ASAP1: variants seen among roughly 807,000 people sequenced by gnomAD.
The protein encoded by ASAP1 is arf-GAP with SH3 domain, ANK repeat and PH domain-containing protein 1.
A neutral mutation model predicts 145.2 loss-of-function variants in ASAP1; 43 were observed. The observed-to-expected ratio is 0.30, with a 90% CI of 0.23 to 0.38. The LOEUF (loss-of-function observed/expected upper bound fraction) is 0.38. ASAP1 is among the 10% of genes least tolerant of loss of function. ASAP1 has a pLI of 1.00. For synonymous variants in ASAP1, 546 were observed against 515.5 expected, an observed-to-expected ratio of 1.06 and a Z score of -0.80; for missense variants, 1,018 against 1,355.3, an observed-to-expected ratio of 0.75 and a Z score of 3.91.
At chr8:130,428,138 T>C (rs991369052) in intron 1 of ASAP1, among the ~76,000 whole-genome samples, 3 of 152,086 alleles carry the variant, frequency 2.0e-5, no homozygotes, top group Non-Finnish European at 4.4e-5. Flanking sequence ...CACACAGTCA[T>C]GCAGTGAATC....
intron 7 of ASAP1, among the ~76,000 whole-genome samples, chr8:130,184,868 G>A (rs544115677): frequency 8.1e-4 from 123 of 152,232 alleles, no homozygotes; most frequent in African/African-American, 2.8e-3. Flanking sequence ...CAAAAACCCT[G>A]AGAAGTAGGT....
At chr8:130,338,822 G>C (rs553200675) in intron 3 of ASAP1, among the ~76,000 whole-genome samples, 1 of 152,330 alleles carries the variant, frequency 6.6e-6, no homozygotes, top group East Asian at 1.9e-4. Context: ...TGGCTGCCTT[G>C]TTGCTTCAGT....
intron 3 of ASAP1, among the ~76,000 whole-genome samples, chr8:130,311,775 A>AAAAAAAAAAAAG (rs796803091): frequency 6.7e-6 from 1 of 148,574 alleles, no homozygotes; most frequent in African/African-American, 2.5e-5. Flanking sequence ...AAAAAAAAAA[A>AAAAAAAAAAAAG]GGCAAAATAA....
chr8:130,363,952 C>T (rs1264044105), intron 2 of ASAP1, among the ~76,000 whole-genome samples: 1 of 152,134 alleles, frequency 6.6e-6, no homozygotes, highest in Non-Finnish European at 1.5e-5. Context: ...GTACTTGATT[C>T]CATCTTTTAC....
chr8:130,351,737 T>G (rs1019898713), intron 3 of ASAP1, among the ~76,000 whole-genome samples: 1 of 152,174 alleles, frequency 6.6e-6, no homozygotes, highest in African/African-American at 2.4e-5. Context: ...GGGATGATGA[T>G]GCTAAACCAT....
intron 2 of ASAP1, among the ~76,000 whole-genome samples, chr8:130,382,001 T>C (rs1827791304): frequency 6.6e-6 from 1 of 152,156 alleles, no homozygotes; most frequent in South Asian, 2.1e-4. Flanking sequence ...AATTACCTTG[T>C]TCAGGCCGAG....
At chr8:130,136,173 A>G (rs768332320) in intron 14 of ASAP1, among the ~76,000 whole-genome samples, 1 of 152,196 alleles carries the variant, frequency 6.6e-6, no homozygotes, top group Non-Finnish European at 1.5e-5. Context: ...TCTCAGCTAC[A>G]GTGTGGGTCG....
At chr8:130,333,480 T>C (rs1371913343) in intron 3 of ASAP1, among the ~76,000 whole-genome samples, 1 of 152,204 alleles carries the variant, frequency 6.6e-6, no homozygotes, top group Non-Finnish European at 1.5e-5. Flanking sequence ...GGCACATGCC[T>C]GTAATCCCAG....
intron 1 of ASAP1, among the ~76,000 whole-genome samples, chr8:130,432,708 G>C (rs564574604): frequency 5.9e-5 from 9 of 152,112 alleles, no homozygotes; most frequent in Non-Finnish European, 1.2e-4. Flanking sequence ...ACCCCAGTAC[G>C]TCCCACAAAA....
chr8:130,185,728 TC>T (rs1260438262), intron 7 of ASAP1, among the ~76,000 whole-genome samples: 14 of 37,270 alleles, frequency 3.8e-4, no homozygotes, highest in African/African-American at 1.7e-3. Flanking sequence ...AAACTCCGCC[TC>T]AAAAAAAAAA....
intron 25 of ASAP1, among the ~76,000 whole-genome samples, chr8:130,080,317 G>A (rs1046118409): frequency 1.3e-5 from 2 of 152,106 alleles, no homozygotes; most frequent in African/African-American, 4.8e-5. Context: ...TTCACCAAGA[G>A]GCCTCATGCT....
rs1258395990 is a variant in ASAP1, at chr8:130,358,540, G to T, written c.60-397C>A. On this transcript the variant is annotated intron_variant, in intron 2 of 29. Coordinates refer to ENST00000518721, the MANE Select transcript of ASAP1 (RefSeq NM_018482.4). The surrounding 1 kb of genome is among the most constrained non-coding windows in gnomAD (Gnocchi z 4.1). The stretch of plus-strand genomic sequence containing the variant: ...CGTGCGCGGGCTGGGCGGCTGGGGC[G>T]CCCGGCGCTGCCTCCTCAGACGCGC... Among the ~76,000 whole-genome samples the T allele has an allele frequency of 1.6e-4, 24 of 147,668 alleles. No individual in the cohort carries two copies. The East Asian group carries it at 2.4e-3, about 14-fold the overall frequency.
chr8:130,372,727 A>G (rs1443940626), intron 2 of ASAP1, among the ~76,000 whole-genome samples: 1 of 152,204 alleles, frequency 6.6e-6, no homozygotes, highest in Non-Finnish European at 1.5e-5. Context: ...TAACCCAAAT[A>G]TTCCTTATGA....
intron 2 of ASAP1, among the ~76,000 whole-genome samples, chr8:130,401,231 T>A (rs919240802): frequency 2.0e-5 from 3 of 151,628 alleles, no homozygotes; most frequent in African/African-American, 7.3e-5. Context: ...GTAAATGAAA[T>A]TTTATTTTAT....
At chr8:130,055,348 C>G (rs1007567142) in intron 29 of ASAP1, among the ~76,000 whole-genome samples, 2 of 150,650 alleles carry the variant, frequency 1.3e-5, no homozygotes, top group Admixed American at 1.3e-4. Context: ...CCTGGCCAAT[C>G]CCAGTACTAT....
At chr8:130,394,284 G>A (rs537284601) in intron 2 of ASAP1, among the ~76,000 whole-genome samples, 6 of 152,180 alleles carry the variant, frequency 3.9e-5, no homozygotes, top group African/African-American at 1.4e-4. Context: ...GAAAGAGAAT[G>A]CGCCCCTGAG....
At position 130,099,680 on chromosome 8, in the gene ASAP1, C is replaced by CT. The variant is rs57950334; in HGVS notation, c.2402-7538dup. 3.3e-3 allele frequency among the ~76,000 whole-genome samples: 331 copies of CT among 100,196 alleles called. 3 individuals carry two copies. Among genetic ancestry groups the CT allele is most frequent in the African/African-American group, 6.1e-3 (162 of 26,738 alleles). The allele number at this position is 100,196 out of a possible 152,430, so 65.7% of individuals were successfully genotyped here. A position where few individuals can be genotyped will look rare whatever the true frequency, so the allele number is the denominator to read the frequency against. ...TTGTAGCACATGAAAGGATTTCATT[C>CT]TTTTTTTTTTTTTTTTTTTTGAGAC... On this transcript the variant is annotated intron_variant, in intron 24 of 29. Transcript: ENST00000518721.
intron 1 of ASAP1, among the ~76,000 whole-genome samples, chr8:130,433,440 C>A (rs555771845): frequency 2.6e-5 from 4 of 152,174 alleles, no homozygotes. Context: ...CTCTGACTAC[C>A]CCACTGGGAG....
chr8:130,088,755 T>C (rs1176915451), intron 25 of ASAP1, among the ~76,000 whole-genome samples: 1 of 152,250 alleles, frequency 6.6e-6, no homozygotes, highest in African/African-American at 2.4e-5. Flanking sequence ...AGCAAAATGC[T>C]AGGCTGAGAA....
Sources: gnomAD v4.1 joint callset for allele counts (sites outside exome capture counted in the v4.1 genomes callset) on GRCh38, gnomAD v4.1.1 for gene constraint, Gnocchi (gnomAD v3.1) non-coding constraint, MANE v1.5 for transcripts, NCBI Gene and HGNC (gene_info 2026-07-23, HGNC 2026-07-21) for gene names.